PPDPFL: variants seen among roughly 807,000 people sequenced by gnomAD.
PPDPFL encodes the protein pancreatic progenitor cell differentiation and proliferation factor like.
In PPDPFL, 12 loss-of-function variants were observed where a neutral mutation model predicts 12.6. The observed-to-expected ratio is 0.95, with a 90% CI of 0.61 to 1.54. PPDPFL has a LOEUF of 1.54. Among genes scored for constraint, PPDPFL ranks in the 40% most tolerant of loss-of-function variants. The pLI, the probability that PPDPFL is intolerant of heterozygous loss-of-function variation, is 0.00. For synonymous variants in PPDPFL, 24 were observed against 32.7 expected, an observed-to-expected ratio of 0.73 and a Z score of 0.91; for missense variants, 114 against 96.0, an observed-to-expected ratio of 1.19 and a Z score of -0.78.
At chr8:49,071,367 G>C (rs1808384875), upstream of PPDPFL, among the ~76,000 whole-genome samples, 1 of 152,212 alleles carries the variant, frequency 6.6e-6, no homozygotes, top group South Asian at 2.1e-4. Flanking sequence ...TCTGTGAAAG[G>C]GCAAAGCAGG....
intron 1 of PPDPFL, among the ~76,000 whole-genome samples, chr8:49,056,846 C>A (rs2129243272): frequency 6.6e-6 from 1 of 152,232 alleles, no homozygotes; most frequent in East Asian, 1.9e-4. Context: ...CCACAAAATT[C>A]TTGGAAATAA....
At chr8:49,055,923 C>A (rs189135223) in intron 1 of PPDPFL, among the ~76,000 whole-genome samples, 1 of 152,078 alleles carries the variant, frequency 6.6e-6, no homozygotes, top group Non-Finnish European at 1.5e-5. Flanking sequence ...TGATCCCTAC[C>A]ACTACATGTG....
chr8:49,068,960 G>C (rs2129245236), upstream of PPDPFL, among the ~76,000 whole-genome samples: 1 of 152,112 alleles, frequency 6.6e-6, no homozygotes, highest in South Asian at 2.1e-4. Flanking sequence ...ACAGTTAAAG[G>C]ATACTTGTAA....
In PPDPFL at chr8:49,074,194, A is replaced by T. The variant is rs932079822; in HGVS notation, c.134-40A>T. The T allele has an allele frequency of 2.5e-6, 4 of 1,605,412 alleles. No individual in the cohort carries two copies. The African/African-American group carries it at 4.0e-5, about 16-fold the overall frequency. ...TTATTTCTTTTTATTTTCAATCTCA[A>T]ATTTGTTTGATAAGGAGTAACATGA... On this transcript the variant is annotated intron_variant, in intron 3 of 4. Transcript: ENST00000522267.
intron 1 of PPDPFL, among the ~76,000 whole-genome samples, chr8:49,057,962 T>A (rs1423983552): frequency 6.6e-6 from 1 of 152,180 alleles, no homozygotes; most frequent in Non-Finnish European, 1.5e-5. Context: ...ACACTTAAAT[T>A]TTAATAACAC....
intron 1 of PPDPFL, among the ~76,000 whole-genome samples, chr8:49,061,627 T>C (rs1808205766): frequency 6.6e-6 from 1 of 152,138 alleles, no homozygotes; most frequent in Non-Finnish European, 1.5e-5. Flanking sequence ...TGGGATGAGC[T>C]GACTGGTGCT....
chr8:49,074,343 A>C lies in PPDPFL; in HGVS notation c.233+10A>C. ...ATCTGTCTGCTACTGGGTGAGTTTT[A>C]GCCTTCTCTGGTAAGGGCAGTTCTT... On this transcript the variant is annotated intron_variant, in intron 4 of 4. Coordinates refer to ENST00000522267, the MANE Select transcript of PPDPFL (RefSeq NM_001256597.2). The C allele has an allele frequency of 6.2e-7, 1 of 1,612,188 alleles. No individual in the cohort carries two copies.
At chr8:49,066,131 C>T (rs2129244754) in intron 1 of PPDPFL, among the ~76,000 whole-genome samples, 1 of 152,296 alleles carries the variant, frequency 6.6e-6, no homozygotes, top group East Asian at 1.9e-4. Context: ...GTTCACTGGC[C>T]CCGACATATT....
upstream of PPDPFL, among the ~76,000 whole-genome samples, chr8:49,070,868 G>C (rs1808372903): frequency 6.6e-6 from 1 of 151,878 alleles, no homozygotes; most frequent in Non-Finnish European, 1.5e-5. Context: ...TTGTATGTGT[G>C]CATGAGTGTG....
intron 1 of PPDPFL, among the ~76,000 whole-genome samples, chr8:49,062,879 T>C (rs1808235480): frequency 6.6e-6 from 1 of 152,172 alleles, no homozygotes; most frequent in South Asian, 2.1e-4. Flanking sequence ...TTTCTGGATC[T>C]TATTAGACAC....
At chr8:49,073,223 T>A (rs1808424804) in intron 2 of PPDPFL, among the ~76,000 whole-genome samples, 1 of 152,218 alleles carries the variant, frequency 6.6e-6, no homozygotes, top group African/African-American at 2.4e-5. Flanking sequence ...TTCAACTCCT[T>A]AGAAAAGAAA....
Position 49,074,342 on chromosome 8 carries a change from T to C in PPDPFL, c.233+9T>C. ...GATCTGTCTGCTACTGGGTGAGTTT[T>C]AGCCTTCTCTGGTAAGGGCAGTTCT... On this transcript the variant is annotated intron_variant, in intron 4 of 4. Transcript: ENST00000522267. 1 of 1,612,260 alleles carries C rather than the reference T, an allele frequency of 6.2e-7. No individual in the cohort carries two copies. Among genetic ancestry groups the C allele is most frequent in the South Asian group, 1.1e-5 (1 of 91,022 alleles).
upstream of PPDPFL, among the ~76,000 whole-genome samples, chr8:49,070,829 A>G (rs539409362): frequency 6.6e-6 from 1 of 152,174 alleles, no homozygotes; most frequent in Non-Finnish European, 1.5e-5. Context: ...AAGCAAATTA[A>G]CACAGCCATA....
chr8:49,062,552 AT>A (rs1055386848), intron 1 of PPDPFL, among the ~76,000 whole-genome samples: 1 of 152,148 alleles, frequency 6.6e-6, no homozygotes, highest in African/African-American at 2.4e-5. Flanking sequence ...AGTGAGGCTT[AT>A]TTTCTGTTTT....
intron 1 of PPDPFL, among the ~76,000 whole-genome samples, chr8:49,064,151 G>C (rs1035798383): frequency 1.3e-5 from 2 of 152,072 alleles, no homozygotes; most frequent in African/African-American, 4.8e-5. Flanking sequence ...CATTCCAGAG[G>C]CTCATTCCCA....
upstream of PPDPFL, among the ~76,000 whole-genome samples, chr8:49,067,473 A>T (rs957281289): frequency 2.6e-5 from 4 of 152,236 alleles, no homozygotes; most frequent in African/African-American, 9.6e-5. Context: ...AGACACTTTA[A>T]GTCTTCCAAG....
chr8:49,058,954 C>A (rs1360193099), intron 1 of PPDPFL, among the ~76,000 whole-genome samples: 1 of 152,182 alleles, frequency 6.6e-6, no homozygotes, highest in Non-Finnish European at 1.5e-5. Context: ...GGGATATATG[C>A]ATCCCCACTA....
In PPDPFL at chr8:49,075,607, TG is replaced by T. The variant is rs1808484443; in HGVS notation, c.*435del. On this transcript the variant is annotated 3_prime_UTR_variant, in exon 5 of 5. Coordinates refer to ENST00000522267, the MANE Select transcript of PPDPFL (RefSeq NM_001256597.2). ...AAAAACTTAAGTTAGACTCTTTTTC[TG>T]TCTGTTGAGTGATTTATTTATTATG... is the stretch of plus-strand genomic sequence containing the variant. The T allele has an allele frequency of 7.2e-6, 2 of 276,912 alleles. No homozygotes were observed. Among genetic ancestry groups the T allele is most frequent in the Admixed American group, 4.9e-5 (1 of 20,476 alleles). The allele number at this position is 276,912 out of a possible 1,614,324, so 17.2% of individuals were successfully genotyped here. A position where few individuals can be genotyped will look rare whatever the true frequency, so the allele number is the denominator to read the frequency against.
intron 1 of PPDPFL, among the ~76,000 whole-genome samples, chr8:49,059,263 G>A (rs961431742): frequency 5.3e-5 from 8 of 152,060 alleles, no homozygotes; most frequent in African/African-American, 1.9e-4. Flanking sequence ...TGGGTGTGGA[G>A]GGTAGCATGT....
Sources: allele counts gnomAD v4.1 joint callset (sites outside exome capture counted in the v4.1 genomes callset), GRCh38; gene constraint gnomAD v4.1.1; transcripts MANE v1.5; gene names NCBI Gene and HGNC (gene_info 2026-07-23, HGNC 2026-07-21).